NR6A1: variants seen among roughly 807,000 people sequenced by gnomAD.
The protein encoded by NR6A1 is retinoic acid receptor-related testis-associated receptor.
In NR6A1, 7 loss-of-function variants were observed where a neutral mutation model predicts 59.1. The observed-to-expected ratio is 0.12, with a 90% CI of 0.07 to 0.22. NR6A1 has a LOEUF of 0.22. Among genes scored for constraint, NR6A1 ranks in the 10% least tolerant of loss-of-function variants. The pLI, the probability that NR6A1 is intolerant of heterozygous loss-of-function variation, is 1.00. For missense variants in NR6A1, 468 were observed against 611.6 expected (o/e 0.77, Z 2.48); for synonymous variants, 243 against 236.1 (o/e 1.03, Z -0.27).
intron 2 of NR6A1, among the ~76,000 whole-genome samples, chr9:124,728,637 A>AAAATAAATAAAT (rs57250774): frequency 0.069 from 10,036 of 144,844 alleles, 1,003 homozygotes; most frequent in African/African-American, 0.21. Flanking sequence ...TCCGCCTCAA[A>AAAATAAATAAAT]AAATAAATAA....
At chr9:124,620,914 T>C (rs553301980) in intron 2 of NR6A1, among the ~76,000 whole-genome samples, 2 of 152,348 alleles carry the variant, frequency 1.3e-5, no homozygotes, top group Non-Finnish European at 2.9e-5. Context: ...TGCATTTCTC[T>C]ATTTCATCCT....
At chr9:124,643,542 G>A (rs1266094875) in intron 2 of NR6A1, among the ~76,000 whole-genome samples, 14 of 151,434 alleles carry the variant, frequency 9.2e-5, no homozygotes, top group African/African-American at 3.2e-4. Context: ...GAAGGGAGCA[G>A]TGAGCCAAGA....
At chr9:124,564,258 T>C (rs980999982) in intron 2 of NR6A1, among the ~76,000 whole-genome samples, 23 of 152,266 alleles carry the variant, frequency 1.5e-4, no homozygotes, top group African/African-American at 5.3e-4. Context: ...ACAATCACAC[T>C]GAATCATAAA....
intron 1 of NR6A1, among the ~76,000 whole-genome samples, chr9:124,758,665 C>T (rs1201105392): frequency 6.6e-6 from 1 of 152,134 alleles, no homozygotes; most frequent in Non-Finnish European, 1.5e-5. Context: ...TTCTATAAGG[C>T]AGACTCAAAG....
Position 124,522,554 on chromosome 9 carries a change from C to CA in NR6A1, c.*150dup, listed in dbSNP as rs1186581208. ...ATATAGAAAAATGAGGTTAAAAAAA[C>CA]AGACAAACAAACAAAAACTCTTCTT... On this transcript the variant is annotated 3_prime_UTR_variant, in exon 10 of 10. Transcript: ENST00000487099. The CA allele has an allele frequency of 1.9e-6, 1 of 526,684 alleles. No individual in the cohort carries two copies. The highest frequency in any genetic ancestry group is 1.9e-5 in the African/African-American group (1 of 52,304). The allele number at this position is 526,684 out of a possible 1,614,324, so 32.6% of individuals were successfully genotyped here. A position where few individuals can be genotyped will look rare whatever the true frequency, so the allele number is the denominator to read the frequency against.
At chr9:124,533,687 T>C (rs1375115402) in intron 7 of NR6A1, among the ~76,000 whole-genome samples, 2 of 151,248 alleles carry the variant, frequency 1.3e-5, no homozygotes, top group African/African-American at 4.9e-5. Context: ...TCTCGCTCTG[T>C]CGCCCAGGCT....
At chr9:124,749,504 T>A (rs1373861195) in intron 1 of NR6A1, among the ~76,000 whole-genome samples, 1 of 152,166 alleles carries the variant, frequency 6.6e-6, no homozygotes, top group Non-Finnish European at 1.5e-5. Context: ...AAAATTGACC[T>A]TTGGGTCAAC....
intron 1 of NR6A1, among the ~76,000 whole-genome samples, chr9:124,744,649 T>G (rs1222316352): frequency 6.6e-6 from 1 of 152,216 alleles, no homozygotes; most frequent in Non-Finnish European, 1.5e-5. Flanking sequence ...TTGAGCCCAT[T>G]TACAAGTCAC....
chr9:124,714,287 A>G (rs569042583), intron 2 of NR6A1, among the ~76,000 whole-genome samples: 3 of 152,346 alleles, frequency 2.0e-5, no homozygotes, highest in Admixed American at 2.0e-4. Flanking sequence ...CAATATGAGA[A>G]GAGTTATGTG....
intron 2 of NR6A1, among the ~76,000 whole-genome samples, chr9:124,712,686 C>CA (rs1839313174): frequency 6.6e-6 from 1 of 151,712 alleles, no homozygotes; most frequent in African/African-American, 2.4e-5. Flanking sequence ...CACATAATCA[C>CA]AAAAATCCAT....
intron 1 of NR6A1, among the ~76,000 whole-genome samples, chr9:124,758,930 GATTATCTAATT>G: frequency 6.6e-6 from 1 of 152,110 alleles, no homozygotes; most frequent in East Asian, 1.9e-4. Flanking sequence ...TCCTTTCAGG[GATTATCTAATT>G]TAGCTCCTCC....
At chr9:124,617,133 CCAGT>C (rs1217855253) in intron 2 of NR6A1, among the ~76,000 whole-genome samples, 2 of 152,056 alleles carry the variant, frequency 1.3e-5, no homozygotes, top group African/African-American at 4.8e-5. Flanking sequence ...TAGACTTCAC[CCAGT>C]CAATCTGCAA....
chr9:124,621,708 T>C (rs566737663), intron 2 of NR6A1, among the ~76,000 whole-genome samples: 9 of 152,118 alleles, frequency 5.9e-5, no homozygotes, highest in African/African-American at 2.2e-4. Flanking sequence ...TGAAAAATAA[T>C]AGCAAATTTT....
At chr9:124,600,466 T>C (rs1235789443) in intron 2 of NR6A1, among the ~76,000 whole-genome samples, 1 of 152,152 alleles carries the variant, frequency 6.6e-6, no homozygotes, top group Admixed American at 6.5e-5. Context: ...AACTCAAGGA[T>C]TGGAAACTAA....
At chr9:124,626,162 T>C (rs1588719151) in intron 2 of NR6A1, among the ~76,000 whole-genome samples, 1 of 152,206 alleles carries the variant, frequency 6.6e-6, no homozygotes, top group African/African-American at 2.4e-5. Context: ...CACGCCACCA[T>C]GCCCAGCTAA....
rs1841158121 is a variant in NR6A1, at chr9:124,771,262, C to T, written c.-143G>A. On this transcript the variant is annotated 5_prime_UTR_variant, in exon 1 of 10. Coordinates refer to ENST00000487099, the MANE Select transcript of NR6A1 (RefSeq NM_033334.4). ...GCGGCTCTCTCTGGGCCCCGAGCCGCCCGGCTCCGCGCCGCTCCGCGCCCC... is the reference window on the plus strand; with the variant it reads ...GCGGCTCTCTCTGGGCCCCGAGCCGTCCGGCTCCGCGCCGCTCCGCGCCCC... 2.4e-6 allele frequency: 1 copy of T among 422,654 alleles called. No homozygotes were observed. The highest frequency in any genetic ancestry group is 4.0e-6 in the Non-Finnish European group (1 of 249,668). 26.2% of individuals were successfully genotyped at this position (422,654 alleles called of 1,614,324 possible).
At chr9:124,558,590 C>T (rs1239302857) in intron 2 of NR6A1, among the ~76,000 whole-genome samples, 2 of 152,124 alleles carry the variant, frequency 1.3e-5, no homozygotes, top group Admixed American at 1.3e-4. Flanking sequence ...AAGCACTTAA[C>T]ATACATTACT....
chr9:124,559,389 C>T (rs996244590), intron 2 of NR6A1, among the ~76,000 whole-genome samples: 4 of 152,112 alleles, frequency 2.6e-5, no homozygotes, highest in African/African-American at 4.8e-5. Flanking sequence ...TGAAGCTTCC[C>T]GCACTGCCCT....
chr9:124,737,460 T>C (rs1467471826), intron 1 of NR6A1, among the ~76,000 whole-genome samples: 6 of 152,320 alleles, frequency 3.9e-5, no homozygotes, highest in African/African-American at 1.2e-4. Context: ...GCTGGCAAAA[T>C]GATTCTTAGC....
Sources: allele counts gnomAD v4.1 joint callset (sites outside exome capture counted in the v4.1 genomes callset), GRCh38; gene constraint gnomAD v4.1.1; transcripts MANE v1.5; gene names NCBI Gene and HGNC (gene_info 2026-07-23, HGNC 2026-07-21).